The following IGF2BP2 variants were observed in gnomAD, a reference collection of about 807,000 sequenced individuals.
IGF2BP2 encodes the protein insulin-like growth factor 2 mRNA-binding protein 2.
A neutral mutation model predicts 75.8 loss-of-function variants in IGF2BP2; 17 were observed. The ratio of observed to expected loss-of-function variants is 0.22; its 90% CI spans 0.15 to 0.34. The LOEUF is 0.34. Among genes scored for constraint, IGF2BP2 ranks in the 10% least tolerant of loss-of-function variants. IGF2BP2 has a pLI of 1.00. For synonymous variants in IGF2BP2, 288 were observed against 295.6 expected (o/e 0.97, Z 0.26); for missense variants, 516 against 772.4 (o/e 0.67, Z 3.93).
At chr3:185,658,212 T>C in intron 11 of IGF2BP2, 129 bp downstream of exon 11, 2 of 898,444 alleles carry the variant, frequency 2.2e-6, no homozygotes, top group Non-Finnish European at 3.6e-6. Flanking sequence ...TTGAGGTGTG[T>C]CACTCCCAGG....
intron 13 of IGF2BP2, 119 bp from the exon 14 acceptor site, chr3:185,649,653 G>A: frequency 7.3e-7 from 1 of 1,365,258 alleles, no homozygotes; most frequent in Non-Finnish European, 1.0e-6. Flanking sequence ...CACACTCCCT[G>A]GGACACACAG....
At chr3:185,729,891 TAAGC>T (rs1184655914) in intron 2 of IGF2BP2, 8 of 152,232 alleles carry the variant, frequency 5.3e-5, no homozygotes, top group African/African-American at 1.7e-4. Flanking sequence ...TATCTTCTCT[TAAGC>T]AAGGCATCAG....
chr3:185,755,070 A>G (rs1731433434), intron 2 of IGF2BP2, among the ~76,000 whole-genome samples: 1 of 152,202 alleles, frequency 6.6e-6, no homozygotes, highest in Non-Finnish European at 1.5e-5. Context: ...GCTAACATCC[A>G]AGACAATGGG....
chr3:185,821,127 A>T, intron 2 of IGF2BP2: 2 of 1,505,328 alleles, frequency 1.3e-6, no homozygotes, highest in African/African-American at 2.8e-5. Context: ...TCTCTCCCTT[A>T]GCCTGCAGTA....
At chr3:185,760,557 G>GC (rs1203340009) in intron 2 of IGF2BP2, among the ~76,000 whole-genome samples, 3 of 152,044 alleles carry the variant, frequency 2.0e-5, no homozygotes, top group Non-Finnish European at 4.4e-5. Context: ...CACCAGCCTC[G>GC]CCCCTTCCCG....
intron 12 of IGF2BP2, among the ~76,000 whole-genome samples, chr3:185,654,496 A>G (rs895109353): frequency 1.3e-5 from 2 of 152,194 alleles, no homozygotes; most frequent in Admixed American, 6.5e-5. Flanking sequence ...ACGCTGACCA[A>G]ATCAGTTCTG....
At chr3:185,815,512 T>C (rs142038311) in intron 2 of IGF2BP2, among the ~76,000 whole-genome samples, 191 of 152,300 alleles carry the variant, frequency 1.3e-3, no homozygotes, top group Non-Finnish European at 2.3e-3. Flanking sequence ...TTAGAGCCCT[T>C]TGTGTAAGAA....
chr3:185,786,299 T>C (rs557875818), intron 2 of IGF2BP2, among the ~76,000 whole-genome samples: 160 of 152,130 alleles, frequency 1.1e-3, no homozygotes, highest in Non-Finnish European at 1.4e-3. Flanking sequence ...AAAATGTTCG[T>C]AGAACCTGTC....
At chr3:185,804,833 TA>T (rs1237138673) in intron 2 of IGF2BP2, among the ~76,000 whole-genome samples, 2 of 149,602 alleles carry the variant, frequency 1.3e-5, no homozygotes, top group Admixed American at 1.3e-4. Flanking sequence ...ACCAAAAATA[TA>T]AAAAAAAATT....
intron 2 of IGF2BP2, among the ~76,000 whole-genome samples, chr3:185,736,065 G>T (rs1728814904): frequency 6.6e-6 from 1 of 152,198 alleles, no homozygotes; most frequent in African/African-American, 2.4e-5. Context: ...TTTTCTTAGT[G>T]GTAGTGTCAC....
intron 10 of IGF2BP2, among the ~76,000 whole-genome samples, chr3:185,667,497 A>G (rs1717830209): frequency 6.6e-6 from 1 of 152,146 alleles, no homozygotes; most frequent in African/African-American, 2.4e-5. Context: ...GAAAAAGAAA[A>G]TAGGGGAGGA....
chr3:185,654,457 G>A (rs906807574), intron 12 of IGF2BP2, among the ~76,000 whole-genome samples: 6 of 152,306 alleles, frequency 3.9e-5, no homozygotes, highest in Non-Finnish European at 5.9e-5. Flanking sequence ...CACCCAAACC[G>A]AGAAGGGCGA....
At chr3:185,721,613 C>A (rs1009967430) in intron 2 of IGF2BP2, among the ~76,000 whole-genome samples, 2 of 152,112 alleles carry the variant, frequency 1.3e-5, no homozygotes, top group African/African-American at 4.8e-5. Context: ...GAAATCAAGT[C>A]TTTGTCTAAA....
At position 185,645,975 on chromosome 3, in the gene IGF2BP2, C is replaced by G. The variant is rs184974089; in HGVS notation, c.1708-352G>C. ...CTCCCGTGCTGCTCCCGCCCCCGTT[C>G]TACAGCGGCTAGGAGGGCATGAGTG... On this transcript the variant is annotated intron_variant, in intron 15 of 15. Coordinates refer to ENST00000382199, the MANE Select transcript of IGF2BP2 (RefSeq NM_006548.6). This position sits in a 1 kb window ranked among gnomAD's most constrained non-coding sequence, Gnocchi z 4.9. Among the ~76,000 whole-genome samples, 42 of 152,140 alleles carry G rather than the reference C, an allele frequency of 2.8e-4. 1 individual carries two copies. In the East Asian group the frequency reaches 5.4e-3, roughly 20 times the overall value.
intron 2 of IGF2BP2, among the ~76,000 whole-genome samples, chr3:185,711,760 T>TC (rs1724832481): frequency 6.6e-6 from 1 of 152,146 alleles, no homozygotes. Context: ...TCAGGACCTT[T>TC]CCTTGCCTAG....
intron 12 of IGF2BP2, among the ~76,000 whole-genome samples, chr3:185,654,759 G>A (rs1017978542): frequency 6.6e-6 from 1 of 152,226 alleles, no homozygotes; most frequent in African/African-American, 2.4e-5. Context: ...AGCAGGGCTG[G>A]AGTCAGGATC....
chr3:185,754,028 A>C (rs1731286126), intron 2 of IGF2BP2, among the ~76,000 whole-genome samples: 1 of 150,830 alleles, frequency 6.6e-6, no homozygotes, highest in Admixed American at 6.6e-5. Context: ...ACATGTTGAA[A>C]CCCCATCTCT....
intron 2 of IGF2BP2, among the ~76,000 whole-genome samples, chr3:185,727,237 A>C (rs1000096400): frequency 4.0e-5 from 6 of 151,486 alleles, no homozygotes; most frequent in Non-Finnish European, 7.4e-5. Context: ...AAAAAAAAGT[A>C]AAAGAAAAAG....
intron 2 of IGF2BP2, chr3:185,722,260 G>T: frequency 2.2e-6 from 1 of 456,296 alleles, no homozygotes; most frequent in South Asian, 1.5e-5. Flanking sequence ...ATTCCATAGG[G>T]GGTGAAACTG....
Sources: allele counts gnomAD v4.1 joint callset (sites outside exome capture counted in the v4.1 genomes callset), GRCh38; gene constraint gnomAD v4.1.1; non-coding constraint Gnocchi (gnomAD v3.1); transcripts MANE v1.5; gene names NCBI Gene and HGNC (gene_info 2026-07-23, HGNC 2026-07-21).